Variants in MCTP1 observed in about 807,000 individuals in gnomAD.
MCTP1 encodes multiple C2 and transmembrane domain-containing protein 1.
Under a neutral mutation model 120.6 loss-of-function variants are expected in MCTP1, and 69 were observed. That is an observed-to-expected ratio of 0.57 (90% CI 0.47 to 0.70). The LOEUF (loss-of-function observed/expected upper bound fraction) is 0.70. MCTP1 is among the 30% of genes least tolerant of loss of function. MCTP1 has a pLI of 0.00. For synonymous variants in MCTP1, 529 were observed against 493.1 expected, an observed-to-expected ratio of 1.07 and a Z score of -0.96; for missense variants, 1,203 against 1,248.8, an observed-to-expected ratio of 0.96 and a Z score of 0.55.
At chr5:94,927,789 TAC>T (rs564513722) in intron 6 of MCTP1, among the ~76,000 whole-genome samples, 144 of 152,308 alleles carry the variant, frequency 9.5e-4, no homozygotes, top group African/African-American at 3.4e-3. Context: ...CCTGCAGACT[TAC>T]AGAGTTGAAA....
intron 1 of MCTP1, among the ~76,000 whole-genome samples, chr5:95,275,705 T>C (rs1039183609): frequency 5.9e-5 from 9 of 152,194 alleles, no homozygotes; most frequent in Non-Finnish European, 8.8e-5. Context: ...AGTGTGCATG[T>C]ATGCATTTTA....
intron 9 of MCTP1, among the ~76,000 whole-genome samples, chr5:94,910,858 T>G (rs1475425825): frequency 6.8e-6 from 1 of 147,886 alleles, no homozygotes; most frequent in Non-Finnish European, 1.5e-5. Flanking sequence ...TGGCACTGAA[T>G]GAAGGCTATG....
intron 1 of MCTP1, among the ~76,000 whole-genome samples, chr5:95,281,843 A>C (rs1442118984): frequency 6.6e-6 from 1 of 152,226 alleles, no homozygotes; most frequent in East Asian, 1.9e-4. Flanking sequence ...AAATCTCCAG[A>C]ATATACGTAA....
At chr5:94,836,483 T>A (rs1056944790) in intron 17 of MCTP1, among the ~76,000 whole-genome samples, 1 of 152,222 alleles carries the variant, frequency 6.6e-6, no homozygotes, top group African/African-American at 2.4e-5. Context: ...TTTCTTCACC[T>A]TCTTCAGTCT....
At chr5:94,723,699 A>G (rs1377934621) in intron 19 of MCTP1, among the ~76,000 whole-genome samples, 2 of 152,058 alleles carry the variant, frequency 1.3e-5, no homozygotes, top group African/African-American at 4.8e-5. Flanking sequence ...GTTGTGCTTT[A>G]CCTTGTTGGC....
Position 95,280,363 on chromosome 5 carries a change from GA to G in MCTP1, c.720+3492del, listed in dbSNP as rs574385638. ...AATTTTAACAAAATTTATTTAAAGA[GA>G]AAAAAATAAAAGTTCAGCATTCATA... On this transcript the variant is annotated intron_variant, in intron 1 of 22. Transcript: ENST00000515393. Among the ~76,000 whole-genome samples the G allele has an allele frequency of 3.7e-4, 57 of 152,096 alleles. No individual in the cohort carries two copies. The East Asian group carries it at 8.7e-3, about 23-fold the overall frequency.
At chr5:94,927,192 A>T (rs1397317201) in intron 6 of MCTP1, among the ~76,000 whole-genome samples, 4 of 152,196 alleles carry the variant, frequency 2.6e-5, no homozygotes, top group Non-Finnish European at 5.9e-5. Flanking sequence ...TGACATTATA[A>T]TATCTCTTTT....
chr5:94,838,006 G>A (rs1342108396), intron 17 of MCTP1, among the ~76,000 whole-genome samples: 1 of 152,200 alleles, frequency 6.6e-6, no homozygotes, highest in Non-Finnish European at 1.5e-5. Context: ...TGGGTCATTG[G>A]TAATGCACAT....
chr5:94,881,440 C>T (rs141277588), intron 12 of MCTP1, among the ~76,000 whole-genome samples: 2 of 152,184 alleles, frequency 1.3e-5, no homozygotes, highest in African/African-American at 4.8e-5. Flanking sequence ...GGCCATTAAC[C>T]CTCCTTGCTA....
At chr5:95,121,289 A>G (rs1758220797) in intron 1 of MCTP1, among the ~76,000 whole-genome samples, 1 of 150,542 alleles carries the variant, frequency 6.6e-6, no homozygotes, top group Admixed American at 6.6e-5. Context: ...AAAAAAAAAA[A>G]AAAAAAAAAA....
At chr5:94,976,804 A>T (rs1379759812) in intron 2 of MCTP1, 1 of 152,068 alleles carries the variant, frequency 6.6e-6, no homozygotes, top group Non-Finnish European at 1.5e-5. Context: ...TATTTTCTCT[A>T]ACAAACTAAA....
chr5:95,092,049 T>C (rs976092748), intron 1 of MCTP1, among the ~76,000 whole-genome samples: 3 of 152,192 alleles, frequency 2.0e-5, no homozygotes, highest in African/African-American at 7.2e-5. Context: ...GGGTCTCTTA[T>C]TATGTAGAAG....
intron 4 of MCTP1, 39 bp downstream of exon 4, chr5:94,942,309 T>C: frequency 3.4e-6 from 5 of 1,474,576 alleles, no homozygotes; most frequent in Non-Finnish European, 4.7e-6. Context: ...GCCCACTGCA[T>C]GACAAGGGGT....
chr5:95,149,471 A>G (rs574765947), intron 1 of MCTP1, among the ~76,000 whole-genome samples: 1 of 129,830 alleles, frequency 7.7e-6, no homozygotes, highest in South Asian at 2.8e-4. Flanking sequence ...GATTTCAGGC[A>G]AGGACAGAGC....
chr5:95,174,231 C>A (rs1251471216), intron 1 of MCTP1, among the ~76,000 whole-genome samples: 1 of 152,064 alleles, frequency 6.6e-6, no homozygotes, highest in Non-Finnish European at 1.5e-5. Context: ...CGAAAATAAA[C>A]CTTCCCCAAA....
chr5:94,920,666 C>A (rs892329973), intron 7 of MCTP1, among the ~76,000 whole-genome samples: 1 of 151,508 alleles, frequency 6.6e-6, no homozygotes, highest in South Asian at 2.1e-4. Flanking sequence ...GGCGTGAACC[C>A]GGGAGGCGAA....
chr5:94,730,320 C>CA (rs1431082296), intron 19 of MCTP1, among the ~76,000 whole-genome samples: 1 of 152,150 alleles, frequency 6.6e-6, no homozygotes, highest in Non-Finnish European at 1.5e-5. Context: ...ATACTACACT[C>CA]AGCTAATTTT....
chr5:95,153,669 T>A (rs1744783825), intron 1 of MCTP1, among the ~76,000 whole-genome samples: 1 of 152,214 alleles, frequency 6.6e-6, no homozygotes, highest in African/African-American at 2.4e-5. Context: ...GCAACAGATA[T>A]ACAAAGCTTA....
chr5:95,233,990 T>C (rs181787023), intron 1 of MCTP1, among the ~76,000 whole-genome samples: 5 of 151,042 alleles, frequency 3.3e-5, no homozygotes, highest in Admixed American at 6.6e-5. Flanking sequence ...CTGATAAACC[T>C]TGAGCCAGAC....
Sources: gnomAD v4.1 joint callset for allele counts (sites outside exome capture counted in the v4.1 genomes callset) on GRCh38, gnomAD v4.1.1 for gene constraint, MANE v1.5 for transcripts, NCBI Gene and HGNC (gene_info 2026-07-23, HGNC 2026-07-21) for gene names.